DNAJB13: variants seen among roughly 807,000 people sequenced by gnomAD.
The protein encoded by DNAJB13 is DnaJ heat shock protein family (Hsp40) member B13.
In DNAJB13, 22 loss-of-function variants were observed where a neutral mutation model predicts 35.6. That is an observed-to-expected ratio of 0.62 (90% confidence interval 0.44 to 0.88). The LOEUF is 0.88. Among genes scored for constraint, DNAJB13 ranks in the 40% least tolerant of loss-of-function variants. DNAJB13 has a pLI of 0.00. For synonymous variants in DNAJB13, 136 were observed against 144.2 expected (o/e 0.94, Z 0.41); for missense variants, 370 against 384.3 (o/e 0.96, Z 0.31).
At chr11:73,966,845 A>ATTTTTTTTTTT (rs770257573) in intron 5 of DNAJB13, among the ~76,000 whole-genome samples, 1 of 98,230 alleles carries the variant, frequency 1.0e-5, no homozygotes, top group African/African-American at 4.7e-5. Flanking sequence ...CGCCCAGCTA[A>ATTTTTTTTTTT]TTTTTTTTTT....
At chr11:73,963,182 A>T (rs1950980254) in intron 3 of DNAJB13, among the ~76,000 whole-genome samples, 1 of 151,936 alleles carries the variant, frequency 6.6e-6, no homozygotes, top group African/African-American at 2.4e-5. Context: ...ACAAACAAAC[A>T]AAAACAAAAA....
chr11:73,955,469 C>T (rs112362769), intron 1 of DNAJB13, among the ~76,000 whole-genome samples: 11,963 of 151,920 alleles, frequency 0.079, 586 homozygotes, highest in African/African-American at 0.13. Flanking sequence ...CCACTGTGCC[C>T]GGCTAATTTT....
rs1950867778 is a variant in DNAJB13, at chr11:73,959,603, C to A, written c.282C>A (p.Gly94=). The change falls in exon 3 of 8, where the codon GGC becomes GGA. Residue 94 remains glycine (G), a synonymous_variant. Coordinates refer to ENST00000339764, the MANE Select transcript of DNAJB13 (RefSeq NM_153614.4). ...GGACAACTGGTTACGTCTTCCATGG[C>A]AAACCTGAAAAGGTGTTCCACGAGT... ...TPWTTGYVFH[G]KPEKVFHEFF... 1 of 1,614,192 alleles carries A rather than the reference C, an allele frequency of 6.2e-7. No individual in the cohort carries two copies. The highest frequency in any genetic ancestry group is 8.5e-7 in the Non-Finnish European group (1 of 1,180,030).
At chr11:73,963,928 A>G (rs1005824087) in intron 3 of DNAJB13, 2 of 152,164 alleles carry the variant, frequency 1.3e-5, no homozygotes, top group Non-Finnish European at 2.9e-5. Context: ...CCGTAGTCAT[A>G]TTGTCCTGTG....
rs1458039113 is a variant in DNAJB13, at chr11:73,964,767, G to GTC, written c.335-110_335-109insCT. 3.4e-3 allele frequency: 365 copies of GTC among 106,206 alleles called. 3 individuals are homozygous for GTC. The highest frequency in any genetic ancestry group is 0.019 in the African/African-American group (306 of 16,474). The allele number at this position is 106,206 out of a possible 1,614,324, so 6.6% of individuals were successfully genotyped here. ...GGGAGCATATCTGGATAGGGAGGCT[G>GTC]TGTGTGTGTGTGTGTGTGTGTGTGT... On this transcript the variant is annotated intron_variant, in intron 3 of 7. Transcript: ENST00000339764.
chr11:73,951,765 G>A (rs1231959485), intron 1 of DNAJB13, among the ~76,000 whole-genome samples: 5 of 152,100 alleles, frequency 3.3e-5, no homozygotes, highest in African/African-American at 1.2e-4. Context: ...TTCTGCCTCA[G>A]CTTCCCAAGT....
At chr11:73,963,301 C>T (rs1474145197) in intron 3 of DNAJB13, among the ~76,000 whole-genome samples, 6 of 151,128 alleles carry the variant, frequency 4.0e-5, no homozygotes, top group South Asian at 2.1e-4. Flanking sequence ...GCCGAGATTG[C>T]GCCATTGCAC....
intron 3 of DNAJB13, among the ~76,000 whole-genome samples, chr11:73,961,245 A>C (rs1950924658): frequency 6.6e-6 from 1 of 152,108 alleles, no homozygotes; most frequent in Non-Finnish European, 1.5e-5. Flanking sequence ...GGGCCACTGC[A>C]CTCCAGCCTG....
At chr11:73,967,858 TGG>T (rs1951163172) in intron 5 of DNAJB13, 1 of 189,432 alleles carries the variant, frequency 5.3e-6, no homozygotes, top group African/African-American at 2.3e-5. Flanking sequence ...CCCCAGCCTC[TGG>T]GCCTCCCTTT....
chr11:73,965,920 T>C (rs1951101772), intron 4 of DNAJB13: 2 of 540,372 alleles, frequency 3.7e-6, no homozygotes, highest in Non-Finnish European at 6.7e-6. Flanking sequence ...TTCTTGGTTG[T>C]CATGGCAACA....
chr11:73,953,289 G>A (rs1429589930), intron 1 of DNAJB13, among the ~76,000 whole-genome samples: 1 of 152,172 alleles, frequency 6.6e-6, no homozygotes, highest in Admixed American at 6.5e-5. Context: ...ACTTTGGGAG[G>A]CCGAGGTAGG....
intron 4 of DNAJB13, 157 bp from the exon 5 acceptor site, chr11:73,965,981 C>T: frequency 2.9e-6 from 2 of 681,620 alleles, no homozygotes; most frequent in Non-Finnish European, 5.1e-6. Context: ...GCTGGAGGCT[C>T]TTCCCATTGC....
At chr11:73,964,587 G>GATCTC in intron 3 of DNAJB13, 28 of 362,588 alleles carry the variant, frequency 7.7e-5, no homozygotes, top group South Asian at 1.8e-4. Context: ...GCGTTGGGCG[G>GATCTC]GGTGGGGGGG....
Position 73,968,326 on chromosome 11 carries a change from T to G in DNAJB13, c.607-19T>G, listed in dbSNP as rs1215302250. On this transcript the variant is annotated intron_variant, in intron 5 of 7. Coordinates refer to ENST00000339764, the MANE Select transcript of DNAJB13 (RefSeq NM_153614.4). ...CACGGCCAACTAGTCCTTGTCACCT[T>G]TTGGCGTCCCCTGCCCAGGGCCCCA... 7 of 1,612,202 alleles carry G rather than the reference T, an allele frequency of 4.3e-6. No homozygotes were observed. In the African/African-American group the frequency reaches 8.0e-5, roughly 18 times the overall value.
In DNAJB13 at chr11:73,966,069, C is replaced by A. The variant is rs2306816; in HGVS notation, c.493-69C>A. ...AGGTCACCTGAGTGTTCATGAAAATCTGAGCAAATCTCGACTGTACTCATG... is the reference window on the plus strand; with the variant it reads ...AGGTCACCTGAGTGTTCATGAAAATATGAGCAAATCTCGACTGTACTCATG... On this transcript the variant is annotated intron_variant, in intron 4 of 7. Coordinates refer to ENST00000339764, the MANE Select transcript of DNAJB13 (RefSeq NM_153614.4). The A allele has an allele frequency of 2.9e-4, 415 of 1,416,550 alleles. 2 individuals carry two copies. The East Asian group carries it at 9.3e-3, about 32-fold the overall frequency. The allele number at this position is 1,416,550 out of a possible 1,614,324, so 87.7% of individuals were successfully genotyped here.
At chr11:73,956,244 G>C (rs774397359) in intron 1 of DNAJB13, among the ~76,000 whole-genome samples, 1 of 152,172 alleles carries the variant, frequency 6.6e-6, no homozygotes, top group Non-Finnish European at 1.5e-5. Context: ...TAGAAAGGAG[G>C]CTAACAATCA....
intron 1 of DNAJB13, among the ~76,000 whole-genome samples, chr11:73,954,642 T>TAAA (rs372270433): frequency 1.0e-5 from 1 of 100,336 alleles, no homozygotes; most frequent in African/African-American, 4.7e-5. Flanking sequence ...AAAAAAAAAA[T>TAAA]AAAATAAATA....
intron 4 of DNAJB13, 128 bp from the exon 5 acceptor site, chr11:73,966,010 T>C (rs1272565799): frequency 5.7e-6 from 5 of 873,418 alleles, no homozygotes; most frequent in Non-Finnish European, 9.1e-6. Flanking sequence ...TGAGCCCAAG[T>C]ACAAATCCCA....
chr11:73,966,247 A>C lies in DNAJB13; in HGVS notation c.602A>C (p.Asp201Ala). Residue 201 changes from aspartate to alanine, a missense_variant, in exon 5 of 8, where the codon GAC (aspartate) becomes GCC (alanine). Transcript: ENST00000339764. Reference protein sequence around the residue: ...GTRITFEKEGDQGPNIIPADI... With the variant: ...GTRITFEKEGAQGPNIIPADI... ...CGCATCACCTTTGAGAAGGAAGGGG[A>C]CCAGGTGAGGGGGGAAGAAGCTGAC... The C allele has an allele frequency of 6.2e-7, 1 of 1,611,968 alleles. No homozygotes were observed.
Sources: allele counts gnomAD v4.1 joint callset (sites outside exome capture counted in the v4.1 genomes callset), GRCh38; gene constraint gnomAD v4.1.1; transcripts MANE v1.5; gene names NCBI Gene and HGNC (gene_info 2026-07-23, HGNC 2026-07-21).